BDP1: variants seen among roughly 807,000 people sequenced by gnomAD.
BDP1 encodes transcription factor TFIIIB component B'' homolog.
BDP1 carries 169 observed loss-of-function variants against 266.6 expected under a neutral mutation model. That is an observed-to-expected ratio of 0.63 (90% CI 0.56 to 0.72). The LOEUF is 0.72. Ranked by LOEUF, BDP1 falls within the 30% of genes least tolerant of loss-of-function variation. The pLI is 0.00. For missense variants in BDP1, 3,015 were observed against 3,053.8 expected (o/e 0.99, Z 0.30); for synonymous variants, 1,090 against 1,022.4 (o/e 1.07, Z -1.26).
At position 71,514,925 on chromosome 5, in the gene BDP1, T is replaced by A; in HGVS notation, c.4471-19T>A. The A allele has an allele frequency of 1.3e-6, 2 of 1,558,562 alleles. No homozygotes were observed. Among genetic ancestry groups the A allele is most frequent in the African/African-American group, 2.8e-5 (2 of 71,892 alleles). On this transcript the variant is annotated intron_variant, in intron 19 of 38. Transcript: ENST00000358731. ...ATACTTTTAGCAACTGTGAATGAAA[T>A]TTTTTTTCTGTCTTCTAGGATGAAG...
At chr5:71,486,020 A>G (rs969738595) in intron 8 of BDP1, among the ~76,000 whole-genome samples, 12 of 152,176 alleles carry the variant, frequency 7.9e-5, no homozygotes, top group African/African-American at 2.4e-4. Context: ...TCCTGGCCCA[A>G]GGCAACCACT....
chr5:71,488,016 C>T (rs946341096), intron 9 of BDP1, among the ~76,000 whole-genome samples: 1 of 152,148 alleles, frequency 6.6e-6, no homozygotes, highest in African/African-American at 2.4e-5. Flanking sequence ...CTACAAAATA[C>T]CTTTATTCTT....
chr5:71,478,169 G>A (rs1172427046), intron 7 of BDP1, among the ~76,000 whole-genome samples: 1 of 152,172 alleles, frequency 6.6e-6, no homozygotes, highest in Non-Finnish European at 1.5e-5. Flanking sequence ...AGAGTCGCTT[G>A]AACCCGGGAG....
intron 29 of BDP1, 68 bp from the exon 30 acceptor site, chr5:71,542,037 C>T: frequency 2.3e-6 from 3 of 1,309,936 alleles, no homozygotes; most frequent in South Asian, 2.7e-5. Context: ...CAGTGCTAGA[C>T]AGACTGTATT....
intron 13 of BDP1, among the ~76,000 whole-genome samples, chr5:71,499,037 T>A: frequency 6.6e-6 from 1 of 152,184 alleles, no homozygotes; most frequent in East Asian, 1.9e-4. Flanking sequence ...TAACTTTATC[T>A]ATGTATGCAC....
At chr5:71,513,108 C>G in intron 18 of BDP1, 77 bp from the exon 19 acceptor site, 3 of 874,780 alleles carry the variant, frequency 3.4e-6, no homozygotes, top group Non-Finnish European at 5.4e-6. Flanking sequence ...TACCGCCAGT[C>G]TCTAAGGTTG....
chr5:71,501,760 C>T (rs1048529952), intron 14 of BDP1, 107 bp downstream of exon 14: 2 of 709,356 alleles, frequency 2.8e-6, no homozygotes, highest in Non-Finnish European at 4.8e-6. Flanking sequence ...AATTTTCAAG[C>T]AGCATACTTT....
intron 25 of BDP1, among the ~76,000 whole-genome samples, chr5:71,525,446 A>C (rs76828286): frequency 0.75 from 36,263 of 48,282 alleles, 13,010 homozygotes; most frequent in East Asian, 0.88. Context: ...GGGGGCTGAC[A>C]CCCCCCACCT....
intron 16 of BDP1, 46 bp downstream of exon 16, chr5:71,504,797 GT>G: frequency 6.3e-7 from 1 of 1,588,334 alleles, no homozygotes; most frequent in South Asian, 1.1e-5. Flanking sequence ...TTTGTAAAAA[GT>G]TTTAGAACTC....
chr5:71,535,947 A>G (rs1766572715), intron 26 of BDP1, among the ~76,000 whole-genome samples: 1 of 152,164 alleles, frequency 6.6e-6, no homozygotes, highest in African/African-American at 2.4e-5. Context: ...ATAATGTCAT[A>G]TTCACATTAT....
intron 22 of BDP1, among the ~76,000 whole-genome samples, chr5:71,521,621 A>G (rs1396815573): frequency 6.6e-6 from 1 of 152,076 alleles, no homozygotes; most frequent in South Asian, 2.1e-4. Flanking sequence ...CCTAATTCAG[A>G]TCTTTGCCAG....
chr5:71,473,868 C>A (rs1762427084), intron 7 of BDP1, among the ~76,000 whole-genome samples: 1 of 149,166 alleles, frequency 6.7e-6, no homozygotes, highest in African/African-American at 2.5e-5. Context: ...TGTGATGTTC[C>A]CCTTCCTGTG....
chr5:71,464,179 G>A, intron 4 of BDP1, 62 bp downstream of exon 4: 1 of 1,005,788 alleles, frequency 9.9e-7, no homozygotes, highest in Non-Finnish European at 1.5e-6. Context: ...AGATCAAATG[G>A]TGCTTCCTGT....
chr5:71,541,469 T>G lies in BDP1; in HGVS notation c.6038T>G (p.Ile2013Ser). ...TTTTCTTCAGTAGGAGTATGTATAA[T>G]TCCTCATGTTCATTCAAAGGATAAA... The part of the protein sequence containing the change: ...SEQGDVGVCI[I>S]PHVHSKDKSH... The change falls in exon 29 of 39, where the codon ATT becomes AGT. Residue 2013 changes from isoleucine to serine, a missense_variant. Ile to Ser is a moderately radical substitution (Grantham distance 142, BLOSUM62 -2). Coordinates refer to ENST00000358731, the MANE Select transcript of BDP1 (RefSeq NM_018429.3). The G allele has an allele frequency of 7.1e-7, 1 of 1,417,234 alleles. No homozygotes were observed. Among genetic ancestry groups the G allele is most frequent in the Non-Finnish European group, 9.9e-7 (1 of 1,013,362 alleles). 87.8% of individuals were successfully genotyped at this position (1,417,234 alleles called of 1,614,324 possible). A position where few individuals can be genotyped will look rare whatever the true frequency, so the allele number is the denominator to read the frequency against.
Position 71,491,052 on chromosome 5 carries a change from A to C in BDP1, c.1561A>C (p.Thr521Pro). 6.2e-7 allele frequency: 1 copy of C among 1,614,148 alleles called. No homozygotes were observed. The highest frequency in any genetic ancestry group is 8.5e-7 in the Non-Finnish European group (1 of 1,179,976). Residue 521 changes from threonine (T) to proline (P), a missense_variant, in exon 11 of 39, where the codon ACA becomes CCA. Thr to Pro is a conservative substitution (Grantham distance 38). Around this residue, in one of 3 missense-constraint regions of BDP1, gnomAD observed 2,383 missense variants for 2,404.9 expected, o/e 0.99. Transcript: ENST00000358731. The stretch of plus-strand genomic sequence containing the variant: ...CAGTAAGGAGCAGATGCTTTCCTGC[A>C]CACAAAACATAGATGGCATTGTGGG... ...ECSKEQMLSC[T>P]QNIDGIVGFA...
chr5:71,456,045 C>G lies in BDP1; in HGVS notation c.168C>G (p.Val56=). Residue 56 remains valine, a synonymous_variant, in exon 1 of 39, where the codon GTC becomes GTG. Transcript: ENST00000358731. ...KPAEPTDVPT[V]DFGGAEPQEK... ...CGGAGCCCACAGATGTGCCCACAGT[C>G]GATTTCGGTGGAGCGGAGCCCCAAG... 1 of 1,613,454 alleles carries G rather than the reference C, an allele frequency of 6.2e-7. No homozygotes were observed. The highest frequency in any genetic ancestry group is 8.5e-7 in the Non-Finnish European group (1 of 1,180,032).
At chr5:71,502,411 T>C (rs1317915290) in intron 14 of BDP1, among the ~76,000 whole-genome samples, 188 bp from the exon 15 acceptor site, 1 of 151,996 alleles carries the variant, frequency 6.6e-6, no homozygotes, top group African/African-American at 2.4e-5. Context: ...TGACCTCAAA[T>C]GATTCGCCCG....
Position 71,517,399 on chromosome 5 carries a change from T to G in BDP1, c.4938T>G (p.Ser1646Arg). Reference protein sequence around the residue: ...VPEHRMYENQSQVVLVENLHV... With the variant: ...VPEHRMYENQRQVVLVENLHV... ...AACACAGAATGTATGAAAATCAAAG[T>G]CAGGTGGTTCTTGTAGAAAACCTTC... Residue 1646 changes from serine (S) to arginine (R), a missense_variant, in exon 22 of 39, where the codon AGT becomes AGG. This residue lies in a region of BDP1 where 2,383 missense variants were observed against 2,404.9 expected (regional missense o/e 0.99). Coordinates refer to ENST00000358731, the MANE Select transcript of BDP1 (RefSeq NM_018429.3). The G allele has an allele frequency of 6.2e-7, 1 of 1,605,516 alleles. No individual in the cohort carries two copies. Among genetic ancestry groups the G allele is most frequent in the Non-Finnish European group, 8.5e-7 (1 of 1,177,784 alleles).
rs571827696 is a variant in BDP1 at position 71,541,843 on chromosome 5, ATAG to A, written c.6251+167_6251+169del. 3.3e-5 allele frequency among the ~76,000 whole-genome samples: 5 copies of A among 152,374 alleles called. No individual in the cohort carries two copies. The South Asian group carries it at 1.0e-3, about 32-fold the overall frequency. On this transcript the variant is annotated intron_variant, in intron 29 of 38. Transcript: ENST00000358731. ...GGTTAGTGGTTTGCATGTTTAAATT[ATAG>A]TAGTAAATGTTGTGTATCTTTGAAG...
Sources: gnomAD v4.1 joint callset for allele counts (sites outside exome capture counted in the v4.1 genomes callset) on GRCh38, gnomAD v4.1.1 for gene constraint, gnomAD v4.1.1 regional missense constraint, MANE v1.5 for transcripts, NCBI Gene and HGNC (gene_info 2026-07-23, HGNC 2026-07-21) for gene names.